The following RAB39B variants were observed in gnomAD, a reference collection of about 807,000 sequenced individuals.
RAB39B encodes the protein ras-related protein Rab-39B.
For synonymous variants in RAB39B, 63 were observed against 67.5 expected, an observed-to-expected ratio of 0.93 and a Z score of 0.33; for missense variants, 68 against 171.3, an observed-to-expected ratio of 0.40 and a Z score of 3.37.
At position 155,259,382 on chromosome X, in the gene RAB39B, G is replaced by A. The variant is rs1381134909; in HGVS notation, c.*1421C>T. On this transcript the variant is annotated 3_prime_UTR_variant, in exon 2 of 2. Transcript: ENST00000369454. ...TTGGGTAGACAGGAACTCAGTGTAC[G>A]TATATGGCAGACAGGTGGCCAAGGT... is the stretch of plus-strand genomic sequence containing the variant. 1 of 111,582 alleles carries A rather than the reference G, an allele frequency of 9.0e-6. No individual in the cohort carries two copies. Among genetic ancestry groups the A allele is most frequent in the East Asian group, 2.8e-4 (1 of 3,560 alleles). 9.2% of individuals were successfully genotyped at this position (111,582 alleles called of 1,213,427 possible).
In RAB39B at chrX:155,264,332, G is replaced by C; in HGVS notation, c.-44C>G. 1.8e-6 allele frequency: 2 copies of C among 1,131,827 alleles called. No individual in the cohort carries two copies. The highest frequency in any genetic ancestry group is 1.2e-6 in the Non-Finnish European group (1 of 823,846). 93.3% of individuals were successfully genotyped at this position (1,131,827 alleles called of 1,213,427 possible). ...CTCCTTGGCCCGGACCGGGGACGGC[G>C]GGAGGGGGCGCCCCGCCGACGCCTC... On this transcript the variant is annotated 5_prime_UTR_variant, in exon 1 of 2. Transcript: ENST00000369454.
intron 1 of RAB39B, 97 bp downstream of exon 1, chrX:155,263,977 C>G: frequency 1.2e-6 from 1 of 843,611 alleles, no homozygotes; most frequent in Non-Finnish European, 1.8e-6. Context: ...TGTTGCCCTC[C>G]TGGACCGCAC....
chrX:155,262,400 C>T (rs782713480), intron 1 of RAB39B, among the ~76,000 whole-genome samples: 1 of 112,141 alleles, frequency 8.9e-6, no homozygotes, highest in East Asian at 2.8e-4. Flanking sequence ...AAGCATTTCT[C>T]GTCTCTTAGG....
At chrX:155,262,591 G>A (rs1470921192) in intron 1 of RAB39B, among the ~76,000 whole-genome samples, 2 of 112,055 alleles carry the variant, frequency 1.8e-5, no homozygotes, top group East Asian at 5.5e-4. Flanking sequence ...AAGTGACAAA[G>A]GCCTTCTAAG....
rs1321499275 is a variant in RAB39B, at chrX:155,259,534, G to C, written c.*1269C>G. The C allele has an allele frequency of 8.9e-6, 1 of 112,099 alleles. No homozygotes were observed. The highest frequency in any genetic ancestry group is 1.9e-5 in the Non-Finnish European group (1 of 53,269). 9.2% of individuals were successfully genotyped at this position (112,099 alleles called of 1,213,427 possible). ...CCCACACAGTTCTAATGTCTTTTTA[G>C]TTGTGCAATTATTCACTTGTTTAAA... On this transcript the variant is annotated 3_prime_UTR_variant, in exon 2 of 2. Coordinates refer to ENST00000369454, the MANE Select transcript of RAB39B (RefSeq NM_171998.4).
chrX:155,261,739 TTA>T (rs1326197164), intron 1 of RAB39B, among the ~76,000 whole-genome samples: 4 of 111,707 alleles, frequency 3.6e-5, no homozygotes, highest in Non-Finnish European at 7.5e-5. Context: ...AGAAATGAAT[TTA>T]TGATAGTTAA....
chrX:155,260,416 A>T lies in RAB39B; in HGVS notation c.*387T>A. ...CCATTGTGAAACTTTTTTCCCCTTT[A>T]TGTATTTCTTTATGTTCATGGCCTA... is the stretch of plus-strand genomic sequence containing the variant. On this transcript the variant is annotated 3_prime_UTR_variant, in exon 2 of 2. Coordinates refer to ENST00000369454, the MANE Select transcript of RAB39B (RefSeq NM_171998.4). 3 of 169,079 alleles carry T rather than the reference A, an allele frequency of 1.8e-5. No individual in the cohort carries two copies. Among genetic ancestry groups the T allele is most frequent in the Non-Finnish European group, 3.4e-5 (3 of 87,579 alleles). 13.9% of individuals were successfully genotyped at this position (169,079 alleles called of 1,213,427 possible).
At chrX:155,263,924 G>T in intron 1 of RAB39B, 150 bp downstream of exon 1, 1 of 546,906 alleles carries the variant, frequency 1.8e-6, no homozygotes, top group Non-Finnish European at 3.0e-6. Flanking sequence ...TAAACTCCGG[G>T]TTAGCCGAAG....
rs1299359809 is a variant in RAB39B at position 155,258,360 on chromosome X, T to C, written c.*2443A>G. On this transcript the variant is annotated 3_prime_UTR_variant, in exon 2 of 2. Transcript: ENST00000369454. ...AGTGAGGAAAAGTATACAGTACATT[T>C]TATTCTGAAATATGAGACAATCTAA... The C allele has an allele frequency of 8.9e-6, 1 of 112,697 alleles. No individual in the cohort carries two copies. Among genetic ancestry groups the C allele is most frequent in the African/African-American group, 3.2e-5 (1 of 31,027 alleles). 9.3% of individuals were successfully genotyped at this position (112,697 alleles called of 1,213,427 possible). A position where few individuals can be genotyped will look rare whatever the true frequency, so the allele number is the denominator to read the frequency against.
rs146900062 is a variant in RAB39B, at chrX:155,260,914, C to T, written c.531G>A (p.Arg177=). ...LTRDIYELVK[R]GEITIQEGWE... ...AGCCCTCCTGGATTGTAATCTCCCCCCTTTTAACCAGCTCATATATGTCTC... is the reference window on the plus strand; with the variant it reads ...AGCCCTCCTGGATTGTAATCTCCCCTCTTTTAACCAGCTCATATATGTCTC... The change falls in exon 2 of 2, where the codon AGG becomes AGA. Residue 177 remains arginine (R), a synonymous_variant. Coordinates refer to ENST00000369454, the MANE Select transcript of RAB39B (RefSeq NM_171998.4). The T allele has an allele frequency of 1.7e-6, 2 of 1,211,293 alleles. No individual in the cohort carries two copies. Among genetic ancestry groups the T allele is most frequent in the Non-Finnish European group, 1.1e-6 (1 of 895,082 alleles).
rs1169213172 is a variant in RAB39B, at chrX:155,264,095, G to A, written c.194C>T (p.Thr65Ile). The A allele has an allele frequency of 8.3e-7, 1 of 1,209,452 alleles. No homozygotes were observed. The highest frequency in any genetic ancestry group is 1.1e-6 in the Non-Finnish European group (1 of 894,897). ...GKRIKLQIWD[T>I]AGQERFRSIT... Reference sequence around the variant, plus strand: ...CCACCTGAACCTCTCTTGACCCGCGGTATCCCAGATCTGGAGCTTGATGCG... The same window carrying A: ...CCACCTGAACCTCTCTTGACCCGCGATATCCCAGATCTGGAGCTTGATGCG... Residue 65 changes from threonine (T) to isoleucine (I), a missense_variant, in exon 1 of 2, where the codon ACC (threonine) becomes ATC (isoleucine). Thr to Ile is a moderately conservative substitution (Grantham distance 89, BLOSUM62 -1). Transcript: ENST00000369454.
rs1178688207 is a variant in RAB39B, at chrX:155,264,142, C to T, written c.147G>A (p.Leu49=). Residue 49 remains leucine (L), a synonymous_variant, in exon 1 of 2, where the codon TTG becomes TTA. Coordinates refer to ENST00000369454, the MANE Select transcript of RAB39B (RefSeq NM_171998.4). ...TGCGTTTTCCTGGCTCGATCTCCACCAAGCGGGAGAAAAAATCCACCCCCA... is the reference window on the plus strand; with the variant it reads ...TGCGTTTTCCTGGCTCGATCTCCACTAAGCGGGAGAAAAAATCCACCCCCA... ...PTVGVDFFSR[L]VEIEPGKRIK... 1.3e-5 allele frequency: 16 copies of T among 1,210,468 alleles called. No homozygotes were observed. The highest frequency in any genetic ancestry group is 1.8e-5 in the Non-Finnish European group (16 of 895,239).
At chrX:155,263,527 G>A (rs1557314466) in intron 1 of RAB39B, among the ~76,000 whole-genome samples, 1 of 112,285 alleles carries the variant, frequency 8.9e-6, no homozygotes, top group Admixed American at 9.4e-5. Context: ...CCTTGTGTGA[G>A]TCTCCTCACA....
intron 1 of RAB39B, among the ~76,000 whole-genome samples, chrX:155,262,649 A>C (rs2074857266): frequency 8.9e-6 from 1 of 112,319 alleles, no homozygotes; most frequent in South Asian, 3.7e-4. Flanking sequence ...TACATTAAAA[A>C]ATCTTAAATA....
rs982560062 is a variant in RAB39B, at chrX:155,260,363, A to T, written c.*440T>A. On this transcript the variant is annotated 3_prime_UTR_variant, in exon 2 of 2. Coordinates refer to ENST00000369454, the MANE Select transcript of RAB39B (RefSeq NM_171998.4). ...TTCTCACGGAATAAGTAGAGCTCAT[A>T]ATCTTTGTTTAGTTATGCTAATTGT... 6 of 136,437 alleles carry T rather than the reference A, an allele frequency of 4.4e-5. No individual in the cohort carries two copies. The highest frequency in any genetic ancestry group is 7.6e-5 in the Admixed American group (1 of 13,227). The allele number at this position is 136,437 out of a possible 1,213,427, so 11.2% of individuals were successfully genotyped here.
chrX:155,263,877 A>G (rs1557314491), intron 1 of RAB39B, among the ~76,000 whole-genome samples, 197 bp downstream of exon 1: 1 of 111,586 alleles, frequency 9.0e-6, no homozygotes, highest in Non-Finnish European at 1.9e-5. Context: ...TGTGTTATTG[A>G]CCGGCCTTCC....
rs1235763858 is a variant in RAB39B at position 155,264,334 on chromosome X, G to A, written c.-46C>T. 3 of 1,132,101 alleles carry A rather than the reference G, an allele frequency of 2.6e-6. No homozygotes were observed. The highest frequency in any genetic ancestry group is 2.2e-5 in the Admixed American group (1 of 45,851). 93.3% of individuals were successfully genotyped at this position (1,132,101 alleles called of 1,213,427 possible). On this transcript the variant is annotated 5_prime_UTR_variant, in exon 1 of 2. Transcript: ENST00000369454. ...CCTTGGCCCGGACCGGGGACGGCGG[G>A]AGGGGGCGCCCCGCCGACGCCTCAG... is the stretch of plus-strand genomic sequence containing the variant.
In RAB39B at chrX:155,260,916, T is replaced by C. The variant is rs1557314202; in HGVS notation, c.529A>G (p.Arg177Gly). The change falls in exon 2 of 2, where the codon AGG (arginine) becomes GGG (glycine). Residue 177 changes from arginine to glycine, a missense_variant. Physicochemically the swap from Arg to Gly is moderately radical, Grantham distance 125. Coordinates refer to ENST00000369454, the MANE Select transcript of RAB39B (RefSeq NM_171998.4). Reference protein sequence around the residue: ...LTRDIYELVKRGEITIQEGWE... With the variant: ...LTRDIYELVKGGEITIQEGWE... ...CCCTCCTGGATTGTAATCTCCCCCC[T>C]TTTAACCAGCTCATATATGTCTCTT... The C allele has an allele frequency of 3.3e-6, 4 of 1,211,221 alleles. No homozygotes were observed. The highest frequency in any genetic ancestry group is 3.4e-6 in the Non-Finnish European group (3 of 895,037).
chrX:155,264,199 C>G lies in RAB39B; in HGVS notation c.90G>C (p.Glu30Asp), dbSNP rs782071506. The stretch of plus-strand genomic sequence containing the variant: ...GGTCAGAAACCTGGGCAAAGCGACC[C>G]TCGGTGAAGCGGCGGATCAGGCAGG... ...GKSCLIRRFT[E>D]GRFAQVSDPT... The change falls in exon 1 of 2, where the codon GAG becomes GAC. Residue 30 changes from glutamate to aspartate, a missense_variant. Glu to Asp is a conservative substitution (Grantham distance 45, BLOSUM62 2). Coordinates refer to ENST00000369454, the MANE Select transcript of RAB39B (RefSeq NM_171998.4). The G allele has an allele frequency of 1.6e-6, 2 of 1,212,243 alleles. No individual in the cohort carries two copies. Among genetic ancestry groups the G allele is most frequent in the Non-Finnish European group, 2.2e-6 (2 of 895,545 alleles).
Sources: allele counts gnomAD v4.1 joint callset (sites outside exome capture counted in the v4.1 genomes callset), GRCh38; gene constraint gnomAD v4.1.1; transcripts MANE v1.5; gene names NCBI Gene and HGNC (gene_info 2026-07-23, HGNC 2026-07-21).